RSPH1: variants seen among roughly 807,000 people sequenced by gnomAD.
RSPH1 encodes the protein radial spoke head 1 homolog.
A neutral mutation model predicts 44.2 loss-of-function variants in RSPH1; 32 were observed. The ratio of observed to expected loss-of-function variants is 0.72; its 90% confidence interval spans 0.55 to 0.97. The LOEUF is 0.97. Among genes scored for constraint, RSPH1 ranks in the 50% least tolerant of loss-of-function variants. The pLI is 0.00. For missense variants in RSPH1, 391 were observed against 398.7 expected, an observed-to-expected ratio of 0.98 and a Z score of 0.16; for synonymous variants, 134 against 147.3, an observed-to-expected ratio of 0.91 and a Z score of 0.65.
chr21:42,487,986 C>G (rs548745053), intron 3 of RSPH1, among the ~76,000 whole-genome samples: 1 of 152,322 alleles, frequency 6.6e-6, no homozygotes, highest in East Asian at 1.9e-4. Flanking sequence ...AGGTTGGCAC[C>G]TGAGCAGCAG....
At position 42,477,306 on chromosome 21, in the gene RSPH1, C is replaced by G. The variant is rs200745905; in HGVS notation, c.712G>C (p.Ala238Pro). The change falls in exon 7 of 9, where the codon GCT (alanine) becomes CCT (proline). Residue 238 changes from alanine to proline, a missense_variant. Physicochemically the swap from Ala to Pro is conservative, Grantham distance 27. Transcript: ENST00000291536. ...PTSTDGPGQD[A>P]PGAESAGEPG... is the part of the protein sequence containing the mutation. ...TGCCCCACACTCTCAGCTCCTGGAG[C>G]GTCTTGGCCAGGTCCATCCGTAGAG... 8 of 1,613,896 alleles carry G rather than the reference C, an allele frequency of 5.0e-6. 1 individual carries two copies. In the African/African-American group the frequency reaches 9.3e-5, roughly 19 times the overall value.
intron 3 of RSPH1, among the ~76,000 whole-genome samples, chr21:42,491,753 T>C (rs1356931779): frequency 6.6e-6 from 1 of 152,224 alleles, no homozygotes; most frequent in East Asian, 1.9e-4. Context: ...CTGGTTCTTA[T>C]TTTATCTAGG....
At chr21:42,479,861 A>C (rs1237100331) in intron 6 of RSPH1, among the ~76,000 whole-genome samples, 1 of 152,142 alleles carries the variant, frequency 6.6e-6, no homozygotes, top group Non-Finnish European at 1.5e-5. Context: ...CCCAGACTAG[A>C]GCACCCTGCG....
chr21:42,486,710 G>T (rs1257295804), intron 3 of RSPH1, among the ~76,000 whole-genome samples: 2 of 152,158 alleles, frequency 1.3e-5, no homozygotes, highest in Non-Finnish European at 2.9e-5. Context: ...TGGCATAGGT[G>T]CTGAGCCACG....
intron 8 of RSPH1, among the ~76,000 whole-genome samples, chr21:42,475,240 A>G (rs2146639562): frequency 6.6e-6 from 1 of 152,268 alleles, no homozygotes; most frequent in East Asian, 1.9e-4. Flanking sequence ...ACCCATTGAA[A>G]AAGAGCTAGT....
At chr21:42,491,626 A>G (rs1354319157) in intron 3 of RSPH1, among the ~76,000 whole-genome samples, 3 of 152,200 alleles carry the variant, frequency 2.0e-5, no homozygotes, top group Non-Finnish European at 2.9e-5. Context: ...GCCTTCTGGG[A>G]TTTATGAAAC....
rs753375976 is a variant in RSPH1 at position 42,476,002 on chromosome 21, A to G, written c.773T>C (p.Phe258Ser). ...AGGCCTCATGTCCATCTCACCCTCG[A>G]AGCCCTCCAGCAGAGCCTGGGCCTC... is the stretch of plus-strand genomic sequence containing the variant. ...GEEAQALLEG[F>S]EGEMDMRPGD... Residue 258 changes from phenylalanine (F) to serine (S), a missense_variant, in exon 8 of 9, where the codon TTC (phenylalanine) becomes TCC (serine). Coordinates refer to ENST00000291536, the MANE Select transcript of RSPH1 (RefSeq NM_080860.4). 1.2e-6 allele frequency: 2 copies of G among 1,613,178 alleles called. No individual in the cohort carries two copies. Among genetic ancestry groups the G allele is most frequent in the South Asian group, 2.2e-5 (2 of 90,952 alleles).
Position 42,475,910 on chromosome 21 carries a change from C to T in RSPH1, c.865G>A (p.Asp289Asn). ...GCAGGGACCTCACCCTCATCCATGT[C>T]ATAGCGGAACTCCTCCTGGTCATAC... ...REYDQEEFRY[D>N]MDEGNINSEE... Residue 289 changes from aspartate to asparagine, a missense_variant, in exon 8 of 9, where the codon GAC (aspartate) becomes AAC (asparagine). Transcript: ENST00000291536. 1 of 1,611,320 alleles carries T rather than the reference C, an allele frequency of 6.2e-7. No individual in the cohort carries two copies. The highest frequency in any genetic ancestry group is 2.2e-5 in the East Asian group (1 of 44,666).
Position 42,483,408 on chromosome 21 carries a change from C to T in RSPH1, c.502-700G>A, listed in dbSNP as rs377698496. On this transcript the variant is annotated intron_variant, in intron 5 of 8. Transcript: ENST00000291536. ...CATTCCCATAACTGCACTTAAGAGTCCCAGATCCTCAAACTCTTGATTTTA... is the reference window on the plus strand; with the variant it reads ...CATTCCCATAACTGCACTTAAGAGTTCCAGATCCTCAAACTCTTGATTTTA... 1.1e-4 allele frequency among the ~76,000 whole-genome samples: 16 copies of T among 152,088 alleles called. 4 individuals carry two copies. Among genetic ancestry groups the T allele is most frequent in the East Asian group, 1.9e-4 (1 of 5,176 alleles).
Position 42,492,827 on chromosome 21 carries a change from C to T in RSPH1, c.205G>A (p.Gly69Arg), listed in dbSNP as rs368878819. The change falls in exon 3 of 9, where the codon GGA (glycine) becomes AGA (arginine). Residue 69 changes from glycine (G) to arginine (R), a missense_variant. Transcript: ENST00000291536. ...TGCTTTTTATTTCTAACATATTCTC[C>T]GATATATCGAGCACCATTTTTAAAT... Reference protein sequence around the residue: ...YKFKNGARYIGEYVRNKKHGQ... With the variant: ...YKFKNGARYIREYVRNKKHGQ... The T allele has an allele frequency of 3.3e-5, 53 of 1,613,104 alleles. No homozygotes were observed. Among genetic ancestry groups the T allele is most frequent in the Non-Finnish European group, 4.2e-5 (49 of 1,179,212 alleles).
intron 5 of RSPH1, among the ~76,000 whole-genome samples, chr21:42,484,044 G>T (rs1316952448): frequency 6.6e-6 from 1 of 152,054 alleles, no homozygotes; most frequent in African/African-American, 2.4e-5. Flanking sequence ...TTGAAGTTTT[G>T]TGGTATTGAT....
chr21:42,475,918 A>C lies in RSPH1; in HGVS notation c.857T>G (p.Phe286Cys). 1 of 1,610,524 alleles carries C rather than the reference A, an allele frequency of 6.2e-7. No individual in the cohort carries two copies. Among genetic ancestry groups the C allele is most frequent in the Non-Finnish European group, 8.5e-7 (1 of 1,179,268 alleles). Residue 286 changes from phenylalanine (F) to cysteine (C), a missense_variant, in exon 8 of 9, where the codon TTC (phenylalanine) becomes TGC (cysteine). Transcript: ENST00000291536. ...CTCACCCTCATCCATGTCATAGCGG[A>C]ACTCCTCCTGGTCATACTCCCGGCT... ...EESREYDQEE[F>C]RYDMDEGNIN... is the part of the protein sequence containing the mutation.
Position 42,492,861 on chromosome 21 carries a change from C to T in RSPH1, c.171G>A (p.Gly57=). The T allele has an allele frequency of 6.2e-7, 1 of 1,604,652 alleles. No individual in the cohort carries two copies. Among genetic ancestry groups the T allele is most frequent in the Non-Finnish European group, 8.5e-7 (1 of 1,171,548 alleles). Residue 57 remains glycine (G), a splice_region_variant and synonymous_variant, in exon 3 of 9, where the codon GGG becomes GGA. Transcript: ENST00000291536. The part of the protein sequence containing the change: ...SYEFGKRHGQ[G]IYKFKNGARY... ...GAGCACCATTTTTAAATTTGTAGATCCCCTGAAACACATTGATTATATCAT... is the reference window on the plus strand; with the variant it reads ...GAGCACCATTTTTAAATTTGTAGATTCCCTGAAACACATTGATTATATCAT...
rs1185445342 is a variant in RSPH1 at position 42,474,049 on chromosome 21, A to G, written c.878-1179T>C. ...CGGTTTTCAGGATTCCTCCTGCTCC[A>G]TCCCCTCCGTTATCTCCCCCACCAA... On this transcript the variant is annotated intron_variant, in intron 8 of 8. Coordinates refer to ENST00000291536, the MANE Select transcript of RSPH1 (RefSeq NM_080860.4). The surrounding 1 kb of genome is among the most constrained non-coding windows in gnomAD (Gnocchi z 5.2). Among the ~76,000 whole-genome samples, 1 of 152,064 alleles carries G rather than the reference A, an allele frequency of 6.6e-6. No individual in the cohort carries two copies. The highest frequency in any genetic ancestry group is 2.4e-5 in the African/African-American group (1 of 41,394).
rs1260752966 is a variant in RSPH1, at chr21:42,492,802, T to C, written c.230A>G (p.His77Arg). Residue 77 changes from histidine (H) to arginine (R), a missense_variant, in exon 3 of 9, where the codon CAC (histidine) becomes CGC (arginine). Transcript: ENST00000291536. The stretch of plus-strand genomic sequence containing the variant: ...TGGATATATAAAAGTGCCTTGACCG[T>C]GCTTTTTATTTCTAACATATTCTCC... ...YIGEYVRNKK[H>R]GQGTFIYPDG... The C allele has an allele frequency of 3.7e-6, 6 of 1,613,280 alleles. No individual in the cohort carries two copies. Among genetic ancestry groups the C allele is most frequent in the Non-Finnish European group, 5.1e-6 (6 of 1,179,286 alleles).
intron 7 of RSPH1, among the ~76,000 whole-genome samples, chr21:42,476,302 G>A (rs1233139527): frequency 1.3e-5 from 2 of 152,072 alleles, no homozygotes; most frequent in Non-Finnish European, 2.9e-5. Context: ...GGGTGTTGAT[G>A]AGACTCTTGA....
At chr21:42,486,525 C>A in intron 3 of RSPH1, 64 bp from the exon 4 acceptor site, 1 of 1,177,046 alleles carries the variant, frequency 8.5e-7, no homozygotes, top group South Asian at 1.2e-5. Context: ...TGTACCATGT[C>A]TTCAAATTGT....
At chr21:42,484,132 T>C (rs1197924230) in intron 5 of RSPH1, among the ~76,000 whole-genome samples, 1 of 152,218 alleles carries the variant, frequency 6.6e-6, no homozygotes, top group African/African-American at 2.4e-5. Flanking sequence ...GACAAGATGT[T>C]TGACCTCACT....
At position 42,485,670 on chromosome 21, in the gene RSPH1, T is replaced by A. The variant is rs748220040; in HGVS notation, c.500A>T (p.Asn167Ile). ...HRYQGKFLNK[N>I]PVGPGKYVFD... ...AAATGTCACTTCCCATGGACTTACA[T>A]TTTTGTTCAAGAACTTGCCCTGGTA... The change falls in exon 5 of 9, where the codon AAT becomes ATT. Residue 167 changes from asparagine (N) to isoleucine (I), a missense_variant and splice_region_variant. Asn to Ile is a moderately radical substitution (Grantham distance 149). Coordinates refer to ENST00000291536, the MANE Select transcript of RSPH1 (RefSeq NM_080860.4). 3 of 1,614,126 alleles carry A rather than the reference T, an allele frequency of 1.9e-6. No homozygotes were observed. The highest frequency in any genetic ancestry group is 2.5e-6 in the Non-Finnish European group (3 of 1,180,046).
Sources: allele counts gnomAD v4.1 joint callset (sites outside exome capture counted in the v4.1 genomes callset), GRCh38; gene constraint gnomAD v4.1.1; non-coding constraint Gnocchi (gnomAD v3.1); transcripts MANE v1.5; gene names NCBI Gene and HGNC (gene_info 2026-07-23, HGNC 2026-07-21).